The following STX18 variants were observed in gnomAD, a reference collection of about 807,000 sequenced individuals.
STX18 encodes the protein syntaxin-18.
Under a neutral mutation model 50.1 loss-of-function variants are expected in STX18, and 40 were observed. The ratio of observed to expected loss-of-function variants is 0.80; its 90% CI spans 0.62 to 1.04. STX18 has a LOEUF of 1.04. Among genes scored for constraint, STX18 ranks in the 50% least tolerant of loss-of-function variants. The pLI is 0.00. For missense variants in STX18, 410 were observed against 415.8 expected, an observed-to-expected ratio of 0.99 and a Z score of 0.12; for synonymous variants, 158 against 151.8, an observed-to-expected ratio of 1.04 and a Z score of -0.30.
At chr4:4,526,606 G>T (rs1044307238) in intron 1 of STX18, among the ~76,000 whole-genome samples, 1 of 152,204 alleles carries the variant, frequency 6.6e-6, no homozygotes, top group African/African-American at 2.4e-5. Flanking sequence ...TATCGCAGTT[G>T]AGTCAACGGG....
At chr4:4,469,847 A>T (rs186471798) in intron 2 of STX18, among the ~76,000 whole-genome samples, 3 of 152,272 alleles carry the variant, frequency 2.0e-5, no homozygotes, top group Admixed American at 2.0e-4. Context: ...TGATGAGGTG[A>T]GGAGGAAACT....
intron 9 of STX18, among the ~76,000 whole-genome samples, chr4:4,421,336 T>C (rs1724949612): frequency 6.6e-6 from 1 of 152,212 alleles, no homozygotes; most frequent in Non-Finnish European, 1.5e-5. Flanking sequence ...TTTTTTTTTT[T>C]TGAGACAGGG....
chr4:4,511,643 C>A (rs962724425), intron 1 of STX18, among the ~76,000 whole-genome samples: 4 of 151,478 alleles, frequency 2.6e-5, no homozygotes, highest in African/African-American at 9.7e-5. Context: ...TATACTAGGG[C>A]AGCTATAAAC....
At chr4:4,458,442 G>A (rs929022650) in intron 3 of STX18, among the ~76,000 whole-genome samples, 1 of 152,130 alleles carries the variant, frequency 6.6e-6, no homozygotes, top group Non-Finnish European at 1.5e-5. Flanking sequence ...TGGCAAGAAT[G>A]CCTATTGCTT....
chr4:4,466,200 G>A (rs920509753), intron 2 of STX18, among the ~76,000 whole-genome samples: 12 of 152,166 alleles, frequency 7.9e-5, no homozygotes, highest in African/African-American at 2.2e-4. Flanking sequence ...AGGCTCTACC[G>A]AGAAGGTGGT....
chr4:4,428,244 G>T (rs1415755100), intron 7 of STX18, among the ~76,000 whole-genome samples: 1 of 152,256 alleles, frequency 6.6e-6, no homozygotes, highest in African/African-American at 2.4e-5. Flanking sequence ...GCAATGCTGG[G>T]CCAGTCACTG....
intron 1 of STX18, among the ~76,000 whole-genome samples, chr4:4,498,303 G>A (rs1004689455): frequency 4.0e-5 from 6 of 151,684 alleles, no homozygotes; most frequent in East Asian, 1.9e-4. Context: ...ACTTTTCTTC[G>A]CAAAATAGTA....
chr4:4,498,712 AAT>A (rs1281090556), intron 1 of STX18, among the ~76,000 whole-genome samples: 2 of 152,230 alleles, frequency 1.3e-5, no homozygotes, highest in Admixed American at 6.5e-5. Flanking sequence ...CATAATAAAA[AAT>A]AGATTATATT....
chr4:4,479,750 A>T (rs190495231), intron 1 of STX18, among the ~76,000 whole-genome samples: 1 of 152,366 alleles, frequency 6.6e-6, no homozygotes, highest in East Asian at 1.9e-4. Context: ...ATTCATTATA[A>T]AACAGCAGTA....
chr4:4,481,852 CA>C (rs1662797935), intron 1 of STX18, among the ~76,000 whole-genome samples: 1 of 152,222 alleles, frequency 6.6e-6, no homozygotes, highest in South Asian at 2.1e-4. Context: ...CCACTGTGCT[CA>C]GGACCACAGC....
rs561346737 is a variant in STX18 at position 4,425,366 on chromosome 4, G to A, written c.703-144C>T. The A allele has an allele frequency of 6.6e-4, 469 of 707,010 alleles. 6 individuals are homozygous for A. The South Asian group carries it at 6.9e-3, about 10-fold the overall frequency. The allele number at this position is 707,010 out of a possible 1,614,324, so 43.8% of individuals were successfully genotyped here. On this transcript the variant is annotated intron_variant, in intron 7 of 10. Transcript: ENST00000306200. ...ACGTGGCAGCCGGTGCTGGACGACC[G>A]TTAGCATTAGTGTGAACAACGTCCC...
intron 1 of STX18, among the ~76,000 whole-genome samples, chr4:4,538,225 G>A (rs1471725705): frequency 2.6e-5 from 4 of 152,082 alleles, no homozygotes; most frequent in Non-Finnish European, 2.9e-5. Context: ...AACGGCTCCT[G>A]GGGTACAATG....
chr4:4,501,655 C>A (rs1391966008), intron 1 of STX18, among the ~76,000 whole-genome samples: 1 of 152,154 alleles, frequency 6.6e-6, no homozygotes, highest in East Asian at 1.9e-4. Flanking sequence ...AACAGAATAA[C>A]AAAATGTAAC....
At chr4:4,496,159 G>C (rs1360700876) in intron 1 of STX18, among the ~76,000 whole-genome samples, 1 of 152,180 alleles carries the variant, frequency 6.6e-6, no homozygotes, top group Non-Finnish European at 1.5e-5. Context: ...TGAAGAAACT[G>C]AGTGTCAGAG....
At chr4:4,449,057 T>C (rs1726598393) in intron 5 of STX18, among the ~76,000 whole-genome samples, 1 of 149,572 alleles carries the variant, frequency 6.7e-6, no homozygotes, top group East Asian at 1.9e-4. Flanking sequence ...TTTTTTTTTT[T>C]TTTTTTTGAG....
intron 1 of STX18, among the ~76,000 whole-genome samples, chr4:4,525,642 T>C: frequency 6.6e-6 from 1 of 152,172 alleles, no homozygotes; most frequent in Middle Eastern, 3.2e-3. Flanking sequence ...CTGTGCTAAA[T>C]ACAAAGAAGC....
intron 1 of STX18, among the ~76,000 whole-genome samples, chr4:4,484,157 C>T (rs997708389): frequency 8.5e-5 from 13 of 152,182 alleles, no homozygotes; most frequent in African/African-American, 2.2e-4. Flanking sequence ...CCACCGTGCC[C>T]GGCCCCTTCC....
chr4:4,512,186 T>C (rs1475187575), intron 1 of STX18, among the ~76,000 whole-genome samples: 1 of 152,100 alleles, frequency 6.6e-6, no homozygotes, highest in Non-Finnish European at 1.5e-5. Flanking sequence ...CCTCTAGAAC[T>C]CTCTTAACTC....
chr4:4,449,042 C>CT (rs34106688), intron 5 of STX18, among the ~76,000 whole-genome samples: 4,434 of 110,164 alleles, frequency 0.04, 145 homozygotes, highest in East Asian at 0.076. Flanking sequence ...GGACCCCATT[C>CT]TTTTTTTTTT....
Sources: allele counts gnomAD v4.1 joint callset (sites outside exome capture counted in the v4.1 genomes callset), GRCh38; gene constraint gnomAD v4.1.1; transcripts MANE v1.5; gene names NCBI Gene and HGNC (gene_info 2026-07-23, HGNC 2026-07-21).